The following TTC28 variants were observed in gnomAD, a reference collection of about 807,000 sequenced individuals.
TTC28 encodes tetratricopeptide repeat protein 28.
TTC28 carries 61 observed loss-of-function variants against 198.0 expected under a neutral mutation model. That is an observed-to-expected ratio of 0.31 (90% CI 0.25 to 0.38). The LOEUF is 0.38. Among genes scored for constraint, TTC28 ranks in the 10% least tolerant of loss-of-function variants. TTC28 has a pLI of 1.00. For synonymous variants in TTC28, 1,171 were observed against 1,297.8 expected, an observed-to-expected ratio of 0.90 and a Z score of 2.10; for missense variants, 2,678 against 3,164.0, an observed-to-expected ratio of 0.85 and a Z score of 3.69.
At position 28,111,230 on chromosome 22, in the gene TTC28, C is replaced by A. The variant is rs1368397225; in HGVS notation, c.1442-2827G>T. Among the ~76,000 whole-genome samples, 7 of 151,940 alleles carry A rather than the reference C, an allele frequency of 4.6e-5. 2 individuals are homozygous for A. The highest frequency in any genetic ancestry group is 2.9e-5 in the Non-Finnish European group (2 of 68,014). ...AAAACAGTATTTTTGGACTCCAATC[C>A]AGTAAGAAAGTAATATTCCTGGGGA... On this transcript the variant is annotated intron_variant, in intron 6 of 22. Coordinates refer to ENST00000397906, the MANE Select transcript of TTC28 (RefSeq NM_001145418.2).
At chr22:28,079,713 T>C (rs899654739) in intron 12 of TTC28, among the ~76,000 whole-genome samples, 5 of 152,282 alleles carry the variant, frequency 3.3e-5, no homozygotes, top group South Asian at 2.1e-4. Context: ...TGGTGTAGCA[T>C]GTGACAGGAT....
In TTC28 at chr22:28,067,490, G is replaced by A. The variant is rs144263683; in HGVS notation, c.3932+26590C>T. ...AAATAAAAGATTTGGAAAACTGGGG[G>A]GCAAGCAAACTTGGTGCCCATCATA... On this transcript the variant is annotated intron_variant, in intron 12 of 22. Coordinates refer to ENST00000397906, the MANE Select transcript of TTC28 (RefSeq NM_001145418.2). Among the ~76,000 whole-genome samples, 23 of 152,136 alleles carry A rather than the reference G, an allele frequency of 1.5e-4. No individual in the cohort carries two copies. In the East Asian group the frequency reaches 4.1e-3, roughly 27 times the overall value.
chr22:28,627,109 AAG>A (rs139929670), intron 2 of TTC28, among the ~76,000 whole-genome samples: 4,577 of 152,080 alleles, frequency 0.03, 237 homozygotes, highest in African/African-American at 0.11. Context: ...TACAGGTTTA[AAG>A]AGAGAGAGAG....
At chr22:27,990,763 C>T in intron 20 of TTC28, 26 bp downstream of exon 20, 5 of 1,549,710 alleles carry the variant, frequency 3.2e-6, no homozygotes, top group Non-Finnish European at 3.5e-6. Context: ...CACCTGACAA[C>T]AGTTGCTACT....
At chr22:28,052,010 CA>C (rs1333611843) in intron 12 of TTC28, among the ~76,000 whole-genome samples, 1 of 152,060 alleles carries the variant, frequency 6.6e-6, no homozygotes, top group African/African-American at 2.4e-5. Flanking sequence ...AAGGCACAGA[CA>C]AAAGAGCCAA....
chr22:28,158,019 A>AT (rs1444037939), intron 6 of TTC28, among the ~76,000 whole-genome samples: 2 of 152,070 alleles, frequency 1.3e-5, no homozygotes, highest in Admixed American at 6.6e-5. Context: ...GGAAAAATCT[A>AT]AAGACTCCAT....
intron 2 of TTC28, among the ~76,000 whole-genome samples, chr22:28,589,072 A>G (rs2050376042): frequency 2.0e-5 from 3 of 152,162 alleles, no homozygotes; most frequent in Admixed American, 1.3e-4. Flanking sequence ...TCACACAAGG[A>G]AAAGAAAGTA....
intron 2 of TTC28, among the ~76,000 whole-genome samples, chr22:28,586,177 G>T (rs1270292900): frequency 6.6e-6 from 1 of 151,640 alleles, no homozygotes; most frequent in Non-Finnish European, 1.5e-5. Flanking sequence ...TACTCGGGAG[G>T]CTGAGGCAGG....
chr22:28,611,074 G>A (rs954124528), intron 2 of TTC28, among the ~76,000 whole-genome samples: 1 of 152,150 alleles, frequency 6.6e-6, no homozygotes, highest in Non-Finnish European at 1.5e-5. Flanking sequence ...GGGACTATGT[G>A]AAAAGACCAA....
At chr22:28,542,326 C>T (rs1270553158) in intron 2 of TTC28, among the ~76,000 whole-genome samples, 1 of 152,010 alleles carries the variant, frequency 6.6e-6, no homozygotes, top group African/African-American at 2.4e-5. Context: ...CAATATCAAG[C>T]AGTCTACATA....
chr22:28,586,473 T>A (rs1474659113), intron 2 of TTC28, among the ~76,000 whole-genome samples: 1 of 152,072 alleles, frequency 6.6e-6, no homozygotes, highest in African/African-American at 2.4e-5. Flanking sequence ...GATTTCTATC[T>A]ATGGAAAGAT....
intron 2 of TTC28, among the ~76,000 whole-genome samples, chr22:28,362,139 C>T (rs1445279158): frequency 6.6e-5 from 10 of 152,150 alleles, no homozygotes; most frequent in Admixed American, 6.6e-4. Context: ...GTGGCTGTGT[C>T]TCCATCCAAA....
intron 5 of TTC28, among the ~76,000 whole-genome samples, chr22:28,293,753 A>G (rs2044835283): frequency 6.6e-6 from 1 of 152,232 alleles, no homozygotes. Flanking sequence ...ATGGTACTTT[A>G]TAATTCCAGA....
intron 2 of TTC28, among the ~76,000 whole-genome samples, chr22:28,429,209 G>A (rs1332101960): frequency 1.3e-5 from 2 of 152,274 alleles, no homozygotes; most frequent in Admixed American, 1.3e-4. Context: ...CCAAATCAAA[G>A]AACAGCTCTC....
At chr22:28,416,984 T>G (rs1343162210) in intron 2 of TTC28, among the ~76,000 whole-genome samples, 1 of 152,160 alleles carries the variant, frequency 6.6e-6, no homozygotes, top group Middle Eastern at 3.2e-3. Flanking sequence ...GCAAGCGAGT[T>G]TCTTTTAGCA....
At position 28,274,002 on chromosome 22, in the gene TTC28, A is replaced by G. The variant is rs189376349; in HGVS notation, c.933+22196T>C. Among the ~76,000 whole-genome samples the G allele has an allele frequency of 2.6e-3, 400 of 152,316 alleles. 13 individuals are homozygous for G. The East Asian group carries it at 0.053, about 20-fold the overall frequency. On this transcript the variant is annotated intron_variant, in intron 5 of 22. Transcript: ENST00000397906. ...TGAATTACTGGTGTAGCCATCAACA[A>G]TAATAAATCTAACAAACATAACAAT...
At chr22:28,338,440 A>C (rs1601653354) in intron 2 of TTC28, among the ~76,000 whole-genome samples, 2 of 152,276 alleles carry the variant, frequency 1.3e-5, no homozygotes, top group African/African-American at 2.4e-5. Context: ...GTGTTTTCCA[A>C]CTTGGTTCCA....
intron 2 of TTC28, among the ~76,000 whole-genome samples, chr22:28,350,758 T>C (rs1019315520): frequency 6.6e-6 from 1 of 151,896 alleles, no homozygotes; most frequent in Non-Finnish European, 1.5e-5. Context: ...AAACAGAAAA[T>C]AACCTAAGAG....
At chr22:28,635,312 C>T (rs1299380687) in intron 1 of TTC28, among the ~76,000 whole-genome samples, 1 of 152,088 alleles carries the variant, frequency 6.6e-6, no homozygotes, top group Non-Finnish European at 1.5e-5. Context: ...CAGAGCAAGA[C>T]TCCGTCTCAA....
Sources: gnomAD v4.1 joint callset for allele counts (sites outside exome capture counted in the v4.1 genomes callset) on GRCh38, gnomAD v4.1.1 for gene constraint, MANE v1.5 for transcripts, NCBI Gene and HGNC (gene_info 2026-07-23, HGNC 2026-07-21) for gene names.